The following CENPQ variants were observed in gnomAD, a reference collection of about 807,000 sequenced individuals.
CENPQ encodes the protein chromosome 6 open reading frame 139.
In CENPQ, 27 loss-of-function variants were observed where a neutral mutation model predicts 36.6. The observed-to-expected ratio is 0.74, with a 90% confidence interval of 0.54 to 1.02. The LOEUF (loss-of-function observed/expected upper bound fraction) is 1.02, where lower values mean the gene tolerates loss of function less well. Among genes scored for constraint, CENPQ ranks in the 50% least tolerant of loss-of-function variants. CENPQ has a pLI of 0.00. For synonymous variants in CENPQ, 101 were observed against 101.7 expected, an observed-to-expected ratio of 0.99 and a Z score of 0.04; for missense variants, 306 against 301.8, an observed-to-expected ratio of 1.01 and a Z score of -0.10.
intron 2 of CENPQ, among the ~76,000 whole-genome samples, 183 bp downstream of exon 2, chr6:49,470,461 T>A (rs1013451093): frequency 2.0e-5 from 3 of 146,634 alleles, no homozygotes; most frequent in African/African-American, 2.5e-5. Context: ...AAAAAAAAAA[T>A]ACAAAAAATT....
chr6:49,464,955 G>A (rs192119577), intron 1 of CENPQ, among the ~76,000 whole-genome samples: 85 of 152,274 alleles, frequency 5.6e-4, no homozygotes, highest in Non-Finnish European at 5.9e-5. Flanking sequence ...CATTTGGGAT[G>A]GTGAATCATT....
At chr6:49,465,718 T>C (rs1767985137) in intron 1 of CENPQ, among the ~76,000 whole-genome samples, 1 of 152,240 alleles carries the variant, frequency 6.6e-6, no homozygotes. Flanking sequence ...CTCTCTCAGC[T>C]TTCATAGAAT....
At chr6:49,483,716 G>A (rs973695742) in intron 6 of CENPQ, among the ~76,000 whole-genome samples, 1 of 152,226 alleles carries the variant, frequency 6.6e-6, no homozygotes, top group East Asian at 1.9e-4. Flanking sequence ...CCAAGTGTGG[G>A]GCCTGCTAAA....
intron 4 of CENPQ, 96 bp downstream of exon 4, chr6:49,472,279 A>G (rs1017490594): frequency 1.0e-6 from 1 of 983,780 alleles, no homozygotes; most frequent in African/African-American, 1.7e-5. Flanking sequence ...ATTTTAAGGT[A>G]ATAGAGTATA....
chr6:49,488,301 A>G, intron 6 of CENPQ, 51 bp from the exon 7 acceptor site: 3 of 1,369,560 alleles, frequency 2.2e-6, no homozygotes, highest in Non-Finnish European at 3.0e-6. Flanking sequence ...ATTAGGATTT[A>G]ATATAATAAT....
intron 1 of CENPQ, among the ~76,000 whole-genome samples, chr6:49,467,516 T>C (rs1248735770): frequency 6.6e-6 from 1 of 152,224 alleles, no homozygotes; most frequent in African/African-American, 2.4e-5. Context: ...AAAAAAATAC[T>C]AATTACTAGA....
chr6:49,470,089 A>G, intron 1 of CENPQ, 70 bp from the exon 2 acceptor site: 2 of 702,098 alleles, frequency 2.8e-6, no homozygotes, highest in Admixed American at 3.4e-5. Context: ...TTTTTTAAAC[A>G]AAACATTGTG....
intron 6 of CENPQ, 68 bp from the exon 7 acceptor site, chr6:49,488,284 A>G: frequency 8.1e-7 from 1 of 1,229,936 alleles, no homozygotes; most frequent in East Asian, 2.5e-5. Flanking sequence ...TATGTATAAC[A>G]ATATCTATTA....
chr6:49,477,215 A>G (rs1329427390), intron 5 of CENPQ, among the ~76,000 whole-genome samples: 7 of 152,158 alleles, frequency 4.6e-5, no homozygotes, highest in Admixed American at 3.9e-4. Context: ...TGTGGCACAT[A>G]TACACCATGG....
intron 5 of CENPQ, among the ~76,000 whole-genome samples, chr6:49,473,792 C>G (rs985599367): frequency 1.3e-5 from 2 of 152,020 alleles, no homozygotes; most frequent in Non-Finnish European, 2.9e-5. Context: ...TGCAGAGATA[C>G]GCATAGGCTC....
intron 3 of CENPQ, among the ~76,000 whole-genome samples, chr6:49,471,247 A>T (rs532002136): frequency 6.6e-6 from 1 of 152,254 alleles, no homozygotes; most frequent in Admixed American, 6.5e-5. Flanking sequence ...CTTCAATGCC[A>T]CTGAGTTGAT....
chr6:49,472,948 T>C, intron 5 of CENPQ, 90 bp downstream of exon 5: 1 of 964,870 alleles, frequency 1.0e-6, no homozygotes, highest in Non-Finnish European at 1.4e-6. Flanking sequence ...TTGTGGAATG[T>C]AAGTTTTTCT....
At position 49,470,235 on chromosome 6, in the gene CENPQ, A is replaced by C. The variant is rs1488368352; in HGVS notation, c.59A>C (p.Lys20Thr). 5 of 1,610,156 alleles carry C rather than the reference A, an allele frequency of 3.1e-6. No homozygotes were observed. Among genetic ancestry groups the C allele is most frequent in the Non-Finnish European group, 4.2e-6 (5 of 1,177,460 alleles). ...GCTCAACAGTTAAAAAGAAATCCAA[A>C]GAGAAAAAAGGATAATGAGGAAGTT... ...KNAQQLKRNP[K>T]RKKDNEEVVL... Residue 20 changes from lysine to threonine, a missense_variant, in exon 2 of 9, where the codon AAG (lysine) becomes ACG (threonine). Lys to Thr is a moderately conservative substitution (Grantham distance 78). Coordinates refer to ENST00000335783, the MANE Select transcript of CENPQ (RefSeq NM_018132.4).
chr6:49,487,445 A>T (rs1255891654), intron 6 of CENPQ, among the ~76,000 whole-genome samples: 3 of 150,752 alleles, frequency 2.0e-5, no homozygotes, highest in African/African-American at 7.3e-5. Context: ...CCCTGCAGCT[A>T]CCCTTTCTTA....
intron 1 of CENPQ, among the ~76,000 whole-genome samples, chr6:49,463,908 C>T (rs1342124794): frequency 6.6e-6 from 1 of 152,052 alleles, no homozygotes; most frequent in Non-Finnish European, 1.5e-5. Flanking sequence ...TATAGTCTGG[C>T]GGCAAACTAC....
At chr6:49,478,213 A>C (rs543102014) in intron 5 of CENPQ, among the ~76,000 whole-genome samples, 1 of 152,224 alleles carries the variant, frequency 6.6e-6, no homozygotes, top group Non-Finnish European at 1.5e-5. Context: ...TTTCTGTAGC[A>C]GTGTTTCTGA....
chr6:49,484,358 A>G (rs557108742), intron 6 of CENPQ, among the ~76,000 whole-genome samples: 30 of 152,376 alleles, frequency 2.0e-4, no homozygotes, highest in African/African-American at 6.5e-4. Context: ...CTTGATCACT[A>G]TGTTGTATGG....
intron 6 of CENPQ, among the ~76,000 whole-genome samples, chr6:49,486,936 C>G (rs1768596946): frequency 6.6e-6 from 1 of 151,186 alleles, no homozygotes; most frequent in Non-Finnish European, 1.5e-5. Flanking sequence ...AACCAGAGGT[C>G]AGGAGTTCAA....
At chr6:49,488,581 T>C (rs1300959976) in intron 7 of CENPQ, 26 bp from the exon 8 acceptor site, 1 of 1,604,282 alleles carries the variant, frequency 6.2e-7, no homozygotes, top group Non-Finnish European at 8.5e-7. Context: ...CTTTTTGAAA[T>C]AATCTGTAGC....
Sources: gnomAD v4.1 joint callset for allele counts (sites outside exome capture counted in the v4.1 genomes callset) on GRCh38, gnomAD v4.1.1 for gene constraint, MANE v1.5 for transcripts, NCBI Gene and HGNC (gene_info 2026-07-23, HGNC 2026-07-21) for gene names.